The following FAM227B variants were observed in gnomAD, a reference collection of about 807,000 sequenced individuals.
FAM227B encodes protein FAM227B.
A neutral mutation model predicts 73.8 loss-of-function variants in FAM227B; 88 were observed. That is an observed-to-expected ratio of 1.19 (90% CI 1.00 to 1.42). The LOEUF is 1.42. Ranked by LOEUF, FAM227B falls within the 40% of genes most tolerant of loss-of-function variation. The probability of loss-of-function intolerance (pLI) is 0.00; values close to 1 mark genes in which losing one functional copy is unlikely to be tolerated. For synonymous variants in FAM227B, 210 were observed against 190.5 expected (o/e 1.10, Z -0.84); for missense variants, 632 against 590.9 (o/e 1.07, Z -0.72).
At chr15:49,337,299 G>A (rs867285853) in intron 13 of FAM227B, among the ~76,000 whole-genome samples, 10 of 152,118 alleles carry the variant, frequency 6.6e-5, no homozygotes, top group South Asian at 2.1e-4. Context: ...ACTAATTTAC[G>A]TTCCCACCAA....
At chr15:49,533,181 A>T (rs772821805) in intron 10 of FAM227B, among the ~76,000 whole-genome samples, 2 of 151,776 alleles carry the variant, frequency 1.3e-5, no homozygotes, top group Non-Finnish European at 2.9e-5. Context: ...TATATTTATA[A>T]ATTTTCCTCT....
intron 11 of FAM227B, among the ~76,000 whole-genome samples, chr15:49,480,019 T>C (rs1440803973): frequency 3.9e-5 from 6 of 152,186 alleles, no homozygotes; most frequent in Non-Finnish European, 5.9e-5. Context: ...ATTCTTGAGC[T>C]TTTCTTGAAT....
intron 10 of FAM227B, among the ~76,000 whole-genome samples, chr15:49,514,430 T>C (rs1180115556): frequency 6.6e-6 from 1 of 152,140 alleles, no homozygotes; most frequent in Non-Finnish European, 1.5e-5. Flanking sequence ...ATGCTTGTGA[T>C]GTTTGTATAT....
At chr15:49,331,754 C>G in intron 15 of FAM227B, 26 bp downstream of exon 15, 4 of 1,393,576 alleles carry the variant, frequency 2.9e-6, no homozygotes, top group Non-Finnish European at 4.1e-6. Context: ...AGAGAATTCT[C>G]AATTATTTTC....
intron 5 of FAM227B, among the ~76,000 whole-genome samples, chr15:49,583,654 C>CA (rs200243389): frequency 0.046 from 4,774 of 103,482 alleles, 118 homozygotes; most frequent in African/African-American, 0.096. Flanking sequence ...TTTCACTTGG[C>CA]AAAAAAAAAA....
intron 13 of FAM227B, among the ~76,000 whole-genome samples, chr15:49,351,822 G>A (rs2042294756): frequency 6.6e-6 from 1 of 152,216 alleles, no homozygotes; most frequent in African/African-American, 2.4e-5. Context: ...TAAGGAGCCA[G>A]ATCTTTGTAC....
At chr15:49,378,508 C>T (rs2046316395) in intron 11 of FAM227B, among the ~76,000 whole-genome samples, 1 of 151,882 alleles carries the variant, frequency 6.6e-6, no homozygotes, top group South Asian at 2.1e-4. Context: ...TTATAGTTTT[C>T]ATTATAGAGT....
At chr15:49,582,005 G>C (rs1436698566) in intron 5 of FAM227B, among the ~76,000 whole-genome samples, 1 of 152,164 alleles carries the variant, frequency 6.6e-6, no homozygotes, top group Non-Finnish European at 1.5e-5. Context: ...GCCTCTCCCA[G>C]GGCCCCAGCC....
chr15:49,575,405 G>A (rs914954310), intron 7 of FAM227B, among the ~76,000 whole-genome samples: 1 of 151,214 alleles, frequency 6.6e-6, no homozygotes, highest in African/African-American at 2.4e-5. Context: ...TTAGTACTAG[G>A]CATTTGAAAT....
chr15:49,420,196 C>T (rs374442633), intron 11 of FAM227B, among the ~76,000 whole-genome samples: 19 of 152,008 alleles, frequency 1.2e-4, no homozygotes, highest in African/African-American at 4.3e-4. Flanking sequence ...GATTTATTTT[C>T]GTAGTATAAA....
chr15:49,396,086 A>C (rs571234169), intron 11 of FAM227B: 35 of 435,530 alleles, frequency 8.0e-5, no homozygotes, highest in Admixed American at 4.8e-4. Context: ...CTGAGGTACC[A>C]GGTTCATCTC....
intron 11 of FAM227B, among the ~76,000 whole-genome samples, chr15:49,442,346 C>G (rs73400205): frequency 2.6e-5 from 4 of 151,462 alleles, no homozygotes; most frequent in Non-Finnish European, 4.4e-5. Context: ...CAACTCTCCA[C>G]GAAGCTCCCC....
intron 10 of FAM227B, among the ~76,000 whole-genome samples, chr15:49,518,268 T>C (rs2152144517): frequency 6.6e-6 from 1 of 152,260 alleles, no homozygotes; most frequent in South Asian, 2.1e-4. Context: ...TCTTTTATCT[T>C]AAAAAATATA....
intron 11 of FAM227B, among the ~76,000 whole-genome samples, chr15:49,432,711 T>C (rs968888648): frequency 6.6e-6 from 1 of 151,636 alleles, no homozygotes; most frequent in Admixed American, 6.6e-5. Context: ...TATGCCAAAG[T>C]CAGAAGATTA....
intron 11 of FAM227B, among the ~76,000 whole-genome samples, chr15:49,447,580 T>G (rs1384723702): frequency 6.6e-6 from 1 of 151,746 alleles, no homozygotes; most frequent in Non-Finnish European, 1.5e-5. Context: ...AAATACATGT[T>G]CACCATCAGT....
rs373605910 is a variant in FAM227B at position 49,535,835 on chromosome 15, C to A, written c.874+5845G>T. Among the ~76,000 whole-genome samples the A allele has an allele frequency of 2.2e-4, 34 of 151,198 alleles. No individual in the cohort carries two copies. In the East Asian group the frequency reaches 4.2e-3, roughly 19 times the overall value. ...AGCCTCATGATCATATTAATTGATG[C>A]AAAAAAAGCATTTGATAAAGTTCAA... On this transcript the variant is annotated intron_variant, in intron 10 of 15. Transcript: ENST00000299338.
At chr15:49,487,584 A>G (rs2056506294) in intron 11 of FAM227B, 1 of 151,898 alleles carries the variant, frequency 6.6e-6, no homozygotes, top group African/African-American at 2.4e-5. Flanking sequence ...AAGAACATAA[A>G]GATGTGCGAG....
intron 11 of FAM227B, among the ~76,000 whole-genome samples, chr15:49,417,461 G>C (rs947237362): frequency 6.6e-6 from 1 of 152,058 alleles, no homozygotes; most frequent in Non-Finnish European, 1.5e-5. Context: ...GTATGGTACT[G>C]GTACAGAAAG....
At chr15:49,469,462 C>T (rs930092798) in intron 11 of FAM227B, among the ~76,000 whole-genome samples, 1 of 152,158 alleles carries the variant, frequency 6.6e-6, no homozygotes, top group Admixed American at 6.5e-5. Flanking sequence ...AAATCTCAGA[C>T]CAACAAATCA....
Sources: allele counts gnomAD v4.1 joint callset (sites outside exome capture counted in the v4.1 genomes callset), GRCh38; gene constraint gnomAD v4.1.1; transcripts MANE v1.5; gene names NCBI Gene and HGNC (gene_info 2026-07-23, HGNC 2026-07-21).